FAM168A: variants seen among roughly 807,000 people sequenced by gnomAD.
The protein encoded by FAM168A is protein FAM168A.
Under a neutral mutation model 28.5 loss-of-function variants are expected in FAM168A, and 3 were observed. The observed-to-expected ratio is 0.11, with a 90% CI of 0.05 to 0.27. The LOEUF is 0.27. FAM168A is among the 10% of genes least tolerant of loss of function. The pLI is 1.00. For missense variants in FAM168A, 222 were observed against 311.5 expected, an observed-to-expected ratio of 0.71 and a Z score of 2.16; for synonymous variants, 122 against 124.2, an observed-to-expected ratio of 0.98 and a Z score of 0.12.
intron 2 of FAM168A, among the ~76,000 whole-genome samples, chr11:73,461,432 A>T (rs1867645285): frequency 6.6e-6 from 1 of 152,184 alleles, no homozygotes; most frequent in South Asian, 2.1e-4. Context: ...GTGAATCTTA[A>T]GTGCTTTCCT....
chr11:73,426,214 T>G (rs1866881971), intron 3 of FAM168A, among the ~76,000 whole-genome samples: 1 of 152,196 alleles, frequency 6.6e-6, no homozygotes, highest in Admixed American at 6.5e-5. Flanking sequence ...AGATTACCAT[T>G]AATAGGTCCC....
At chr11:73,580,714 T>C (rs1417566124) in intron 1 of FAM168A, among the ~76,000 whole-genome samples, 5 of 152,226 alleles carry the variant, frequency 3.3e-5, no homozygotes, top group Non-Finnish European at 1.5e-5. Context: ...CAAAGCTGGA[T>C]TGATGTGGGG....
At chr11:73,544,852 T>TAATATATAATATATAATTTATATTA (rs1943711033) in intron 1 of FAM168A, among the ~76,000 whole-genome samples, 1 of 90,704 alleles carries the variant, frequency 1.1e-5, no homozygotes, top group East Asian at 2.3e-4. Context: ...ATTAAATATA[T>TAATATATAATATATAATTTATATTA]AATATATAAT....
chr11:73,557,030 A>G (rs1161522871), intron 1 of FAM168A, among the ~76,000 whole-genome samples: 2 of 149,876 alleles, frequency 1.3e-5, no homozygotes, highest in African/African-American at 4.9e-5. Context: ...CACTGTCTCA[A>G]AAAAAAAAAG....
At chr11:73,440,378 G>A (rs1867171904) in intron 2 of FAM168A, among the ~76,000 whole-genome samples, 1 of 152,218 alleles carries the variant, frequency 6.6e-6, no homozygotes, top group African/African-American at 2.4e-5. Flanking sequence ...GGTCGTGGTG[G>A]CTCACTCCTG....
intron 1 of FAM168A, among the ~76,000 whole-genome samples, chr11:73,531,174 T>C (rs1943509879): frequency 6.6e-6 from 1 of 152,152 alleles, no homozygotes; most frequent in African/African-American, 2.4e-5. Context: ...CACTACACTT[T>C]ACTCCCCAAT....
chr11:73,488,737 A>G (rs765049094), intron 1 of FAM168A, among the ~76,000 whole-genome samples: 1 of 152,092 alleles, frequency 6.6e-6, no homozygotes, highest in Non-Finnish European at 1.5e-5. Context: ...ACTTCAAGTC[A>G]TTTCACCCCT....
At chr11:73,469,713 T>G (rs527356044) in intron 1 of FAM168A, among the ~76,000 whole-genome samples, 11 of 152,044 alleles carry the variant, frequency 7.2e-5, no homozygotes, top group Non-Finnish European at 1.6e-4. Context: ...GCCAACAAAC[T>G]GAAACTAGAA....
intron 1 of FAM168A, among the ~76,000 whole-genome samples, chr11:73,572,783 T>C (rs1334425197): frequency 6.6e-6 from 1 of 151,878 alleles, no homozygotes; most frequent in African/African-American, 2.4e-5. Context: ...GAGACCTTTG[T>C]TCACTTGTTT....
chr11:73,513,212 T>A (rs1372253930), intron 1 of FAM168A, among the ~76,000 whole-genome samples: 224 of 142,686 alleles, frequency 1.6e-3, no homozygotes, highest in East Asian at 3.6e-3. Flanking sequence ...TTAATTTTTT[T>A]TTTTTTTTTT....
At chr11:73,459,240 T>C (rs1386378611) in intron 2 of FAM168A, among the ~76,000 whole-genome samples, 1 of 152,024 alleles carries the variant, frequency 6.6e-6, no homozygotes, top group African/African-American at 2.4e-5. Flanking sequence ...TGTGCCACCA[T>C]GTCCAGCCAA....
chr11:73,565,943 A>G (rs1382559697), intron 1 of FAM168A, among the ~76,000 whole-genome samples: 1 of 152,226 alleles, frequency 6.6e-6, no homozygotes, highest in African/African-American at 2.4e-5. Flanking sequence ...GCAGGGCTCA[A>G]GCTGAGATCA....
At chr11:73,537,762 A>C (rs1943600286) in intron 1 of FAM168A, among the ~76,000 whole-genome samples, 1 of 152,194 alleles carries the variant, frequency 6.6e-6, no homozygotes, top group Non-Finnish European at 1.5e-5. Context: ...TTAGCTTATC[A>C]GAAAGTATTT....
chr11:73,489,940 C>T (rs943539953), intron 1 of FAM168A, among the ~76,000 whole-genome samples: 1 of 152,056 alleles, frequency 6.6e-6, no homozygotes, highest in Admixed American at 6.6e-5. Flanking sequence ...TTTGTGGTGA[C>T]CTAGGCCCCT....
At chr11:73,558,271 T>C (rs1943913111) in intron 1 of FAM168A, among the ~76,000 whole-genome samples, 1 of 151,986 alleles carries the variant, frequency 6.6e-6, no homozygotes, top group South Asian at 2.1e-4. Context: ...AACATCAGCT[T>C]GGGCAAATAG....
intron 2 of FAM168A, among the ~76,000 whole-genome samples, chr11:73,467,846 T>C (rs1867759356): frequency 6.6e-6 from 1 of 152,186 alleles, no homozygotes; most frequent in East Asian, 1.9e-4. Flanking sequence ...TTAGAATAAA[T>C]ATACAAATAC....
intron 1 of FAM168A, among the ~76,000 whole-genome samples, chr11:73,556,643 A>G (rs1186726806): frequency 1.3e-5 from 2 of 152,004 alleles, no homozygotes; most frequent in African/African-American, 2.4e-5. Flanking sequence ...ACACAACATT[A>G]TGAATGTATT....
intron 1 of FAM168A, among the ~76,000 whole-genome samples, chr11:73,551,902 C>T (rs1943834096): frequency 6.6e-6 from 1 of 152,170 alleles, no homozygotes; most frequent in African/African-American, 2.4e-5. Flanking sequence ...GCAGCAGCCA[C>T]AGTACAGTAC....
At chr11:73,430,245 C>CATGT (rs1555018528) in intron 3 of FAM168A, 1 of 130,688 alleles carries the variant, frequency 7.7e-6, no homozygotes, top group Non-Finnish European at 1.6e-5. Context: ...GTGGCAAGAG[C>CATGT]ATGTGTGTGT....
Sources: gnomAD v4.1 joint callset for allele counts (sites outside exome capture counted in the v4.1 genomes callset) on GRCh38, gnomAD v4.1.1 for gene constraint, MANE v1.5 for transcripts, NCBI Gene and HGNC (gene_info 2026-07-23, HGNC 2026-07-21) for gene names.